Variants in ADAMTS20 observed in about 807,000 individuals in gnomAD.
The protein encoded by ADAMTS20 is ADAM metallopeptidase with thrombospondin type 1 motif 20.
A neutral mutation model predicts 260.1 loss-of-function variants in ADAMTS20; 225 were observed. That is an observed-to-expected ratio of 0.87 (90% confidence interval 0.78 to 0.97). ADAMTS20 has a LOEUF of 0.97. Ranked by LOEUF, ADAMTS20 falls within the 50% of genes least tolerant of loss-of-function variation. The probability of loss-of-function intolerance (pLI) is 0.00; values close to 1 mark genes in which losing one functional copy is unlikely to be tolerated. For synonymous variants in ADAMTS20, 802 were observed against 769.5 expected (o/e 1.04, Z -0.70); for missense variants, 2,400 against 2,337.7 (o/e 1.03, Z -0.55).
chr12:43,443,327 A>G (rs963786386), intron 16 of ADAMTS20, among the ~76,000 whole-genome samples: 2 of 152,234 alleles, frequency 1.3e-5, no homozygotes, highest in African/African-American at 2.4e-5. Context: ...TCATTAACAT[A>G]TAAAAATGTG....
rs201673057 is a variant in ADAMTS20 at position 43,521,999 on chromosome 12, CAG to C, written c.613+10035_613+10036del. Among the ~76,000 whole-genome samples, 1,262 of 152,172 alleles carry C rather than the reference CAG, an allele frequency of 8.3e-3. 20 individuals carry two copies. Among genetic ancestry groups the C allele is most frequent in the African/African-American group, 0.028 (1,180 of 41,520 alleles). The stretch of plus-strand genomic sequence containing the variant: ...AAATTTAGAAAATTTCTAGGAAAAA[CAG>C]AGAAATTTAAAGCTGGCTGACATCA... On this transcript the variant is annotated intron_variant, in intron 3 of 38. Coordinates refer to ENST00000389420, the MANE Select transcript of ADAMTS20 (RefSeq NM_025003.5).
chr12:43,408,857 A>G (rs1202948963), intron 28 of ADAMTS20, among the ~76,000 whole-genome samples: 1 of 152,216 alleles, frequency 6.6e-6, no homozygotes, highest in Non-Finnish European at 1.5e-5. Context: ...CTAGCAGTAC[A>G]TGGGATTTGG....
chr12:43,393,266 G>T (rs968221166), intron 29 of ADAMTS20, among the ~76,000 whole-genome samples: 1 of 151,798 alleles, frequency 6.6e-6, no homozygotes, highest in Non-Finnish European at 1.5e-5. Context: ...GTCAAATTTC[G>T]TTTTTTTAAA....
intron 3 of ADAMTS20, among the ~76,000 whole-genome samples, chr12:43,531,492 T>C (rs1404996765): frequency 2.6e-5 from 4 of 152,126 alleles, no homozygotes; most frequent in Admixed American, 6.6e-5. Context: ...CTCTCATGCA[T>C]CCATACAGGT....
intron 3 of ADAMTS20, among the ~76,000 whole-genome samples, chr12:43,510,408 A>T (rs1426111029): frequency 6.6e-6 from 1 of 151,834 alleles, no homozygotes; most frequent in Non-Finnish European, 1.5e-5. Context: ...TAAAAACAGC[A>T]TATATTACTA....
rs1259888343 is a variant in ADAMTS20, at chr12:43,521,852, T to C, written c.613+10184A>G. On this transcript the variant is annotated intron_variant, in intron 3 of 38. Coordinates refer to ENST00000389420, the MANE Select transcript of ADAMTS20 (RefSeq NM_025003.5). Reference sequence around the variant, plus strand: ...CTGATATAGTAAATGGGTTACTCTTTTCCACACACATCAGGACTTAGAAGA... The same window carrying C: ...CTGATATAGTAAATGGGTTACTCTTCTCCACACACATCAGGACTTAGAAGA... Among the ~76,000 whole-genome samples the C allele has an allele frequency of 2.0e-5, 3 of 152,274 alleles. No individual in the cohort carries two copies. In the East Asian group the frequency reaches 5.8e-4, roughly 29 times the overall value.
At chr12:43,418,720 C>T (rs1029318713) in intron 28 of ADAMTS20, among the ~76,000 whole-genome samples, 19 of 152,256 alleles carry the variant, frequency 1.2e-4, no homozygotes, top group Non-Finnish European at 2.4e-4. Context: ...AAATGGCTTC[C>T]GAATATTTCA....
At chr12:43,385,824 A>G (rs1478389911) in intron 29 of ADAMTS20, among the ~76,000 whole-genome samples, 1 of 151,970 alleles carries the variant, frequency 6.6e-6, no homozygotes, top group Non-Finnish European at 1.5e-5. Context: ...TACTACCTCA[A>G]TTTCGGAATT....
chr12:43,441,744 T>G (rs1308448662), intron 16 of ADAMTS20, among the ~76,000 whole-genome samples: 1 of 152,202 alleles, frequency 6.6e-6, no homozygotes, highest in African/African-American at 2.4e-5. Flanking sequence ...ATAATAACCT[T>G]TCCAGAAAAC....
intron 2 of ADAMTS20, among the ~76,000 whole-genome samples, chr12:43,534,940 T>C (rs564985002): frequency 4.6e-5 from 7 of 152,232 alleles, no homozygotes; most frequent in African/African-American, 1.2e-4. Flanking sequence ...AATGTTTCCC[T>C]GCTTCCCACC....
intron 4 of ADAMTS20, among the ~76,000 whole-genome samples, chr12:43,495,431 A>G (rs952825168): frequency 5.9e-5 from 9 of 152,208 alleles, no homozygotes; most frequent in African/African-American, 1.9e-4. Context: ...TATTTAGATT[A>G]GAGCCAGGAT....
At chr12:43,376,027 T>C (rs758853705) in intron 35 of ADAMTS20, 30 bp downstream of exon 35, 4 of 1,519,642 alleles carry the variant, frequency 2.6e-6, no homozygotes, top group Non-Finnish European at 3.6e-6. Context: ...ACCATGAAAA[T>C]GCTCAGATAG....
At position 43,416,349 on chromosome 12, in the gene ADAMTS20, C is replaced by CAA. The variant is rs5797864; in HGVS notation, c.4284+9163_4284+9164dup. ...CAAGACACAGTTTTGACACCCAGTC[C>CAA]AAAAAAAAAAATCAAGTTTTTCTAT... On this transcript the variant is annotated intron_variant, in intron 28 of 38. Transcript: ENST00000389420. Among the ~76,000 whole-genome samples the CAA allele has an allele frequency of 6.0e-4, 88 of 147,038 alleles. 1 individual carries two copies. The highest frequency in any genetic ancestry group is 3.4e-3 in the Middle Eastern group (1 of 290).
At chr12:43,521,542 G>C (rs1943071960) in intron 3 of ADAMTS20, among the ~76,000 whole-genome samples, 1 of 151,996 alleles carries the variant, frequency 6.6e-6, no homozygotes. Context: ...TGATAAGATG[G>C]CTTTTTTCTT....
At chr12:43,501,479 G>GCACACACACACACACACACA (rs746038595) in intron 4 of ADAMTS20, among the ~76,000 whole-genome samples, 42 of 67,122 alleles carry the variant, frequency 6.3e-4, no homozygotes, top group East Asian at 1.8e-3. Context: ...GCGCGCGCGC[G>GCACACACACACACACACACA]CGCACACACA....
chr12:43,415,939 A>C (rs1715308866), intron 28 of ADAMTS20, among the ~76,000 whole-genome samples: 2 of 152,220 alleles, frequency 1.3e-5, no homozygotes, highest in Non-Finnish European at 2.9e-5. Flanking sequence ...TAGTGCTCTC[A>C]GATTGACTTT....
intron 2 of ADAMTS20, among the ~76,000 whole-genome samples, chr12:43,542,818 A>G (rs2137524187): frequency 6.6e-6 from 1 of 152,348 alleles, no homozygotes; most frequent in East Asian, 1.9e-4. Context: ...GCCTGGACTG[A>G]AAAAGCCTTT....
intron 37 of ADAMTS20, among the ~76,000 whole-genome samples, chr12:43,360,671 T>A (rs1429251995): frequency 1.3e-5 from 2 of 152,002 alleles, no homozygotes; most frequent in East Asian, 1.9e-4. Flanking sequence ...AAGCAAAAAC[T>A]ATGAGATATG....
intron 20 of ADAMTS20, 35 bp downstream of exon 20, chr12:43,432,566 G>T (rs1472895318): frequency 2.5e-6 from 4 of 1,606,246 alleles, no homozygotes; most frequent in African/African-American, 1.3e-5. Flanking sequence ...AGAAAGAAAG[G>T]GGCAACTTTT....
Sources: allele counts gnomAD v4.1 joint callset (sites outside exome capture counted in the v4.1 genomes callset), GRCh38; gene constraint gnomAD v4.1.1; transcripts MANE v1.5; gene names NCBI Gene and HGNC (gene_info 2026-07-23, HGNC 2026-07-21).